FAM110B: variants seen among roughly 807,000 people sequenced by gnomAD.
FAM110B encodes protein FAM110B.
Under a neutral mutation model 20.4 loss-of-function variants are expected in FAM110B, and 6 were observed. The observed-to-expected ratio is 0.29, with a 90% CI of 0.16 to 0.58. The LOEUF (loss-of-function observed/expected upper bound fraction) is 0.58, where lower values mean the gene tolerates loss of function less well. FAM110B is among the 20% of genes least tolerant of loss of function. The pLI, the probability that FAM110B is intolerant of heterozygous loss-of-function variation, is 0.90. For synonymous variants in FAM110B, 226 were observed against 214.1 expected, an observed-to-expected ratio of 1.06 and a Z score of -0.49; for missense variants, 434 against 498.2, an observed-to-expected ratio of 0.87 and a Z score of 1.23.
At chr8:58,026,576 TCAA>T (rs1804860104) in intron 1 of FAM110B, among the ~76,000 whole-genome samples, 1 of 152,142 alleles carries the variant, frequency 6.6e-6, no homozygotes, top group Admixed American at 6.5e-5. Flanking sequence ...ATGGGTGGGT[TCAA>T]TTTCTTGGTG....
At position 58,147,796 on chromosome 8, in the gene FAM110B, A is replaced by T. The variant is rs1455509701; in HGVS notation, c.*453A>T. On this transcript the variant is annotated 3_prime_UTR_variant, in exon 4 of 4. Transcript: ENST00000519262. ...GACAGTAAATGGGATCTGCTACCAA[A>T]CAGATAATGACTGACCGAACATAGA... The T allele has an allele frequency of 5.7e-6, 1 of 174,830 alleles. No individual in the cohort carries two copies. The highest frequency in any genetic ancestry group is 1.4e-5 in the Non-Finnish European group (1 of 72,766). 10.8% of individuals were successfully genotyped at this position (174,830 alleles called of 1,614,324 possible). A position where few individuals can be genotyped will look rare whatever the true frequency, so the allele number is the denominator to read the frequency against.
chr8:58,029,673 A>G lies in FAM110B; in HGVS notation c.-511-1933A>G, dbSNP rs146754369. 1.0e-3 allele frequency among the ~76,000 whole-genome samples: 157 copies of G among 152,322 alleles called. 3 individuals carry two copies. In the East Asian group the frequency reaches 0.025, roughly 25 times the overall value. On this transcript the variant is annotated intron_variant, in intron 1 of 3. Coordinates refer to ENST00000519262, the MANE Select transcript of FAM110B (RefSeq NM_001377989.1). ...AAACCTGGGAATCTGGAGCTGGCTTAGCTGTGTGACTTTGAAGTGGTCACT... is the reference window on the plus strand; with the variant it reads ...AAACCTGGGAATCTGGAGCTGGCTTGGCTGTGTGACTTTGAAGTGGTCACT...
intron 2 of FAM110B, among the ~76,000 whole-genome samples, chr8:58,039,157 G>A (rs188639142): frequency 7.2e-4 from 110 of 152,342 alleles, no homozygotes; most frequent in Non-Finnish European, 1.3e-3. Context: ...GTGCCAGCCT[G>A]GGCTGGCACT....
In FAM110B at chr8:58,129,632, C is replaced by G. The variant is rs144735625; in HGVS notation, c.-324-16275C>G. ...TGCTGTATGAGAAGTATGTGAGGCTCGAGGCTCAGGACCATAAAGGATGTG... is the reference window on the plus strand; with the variant it reads ...TGCTGTATGAGAAGTATGTGAGGCTGGAGGCTCAGGACCATAAAGGATGTG... On this transcript the variant is annotated intron_variant, in intron 3 of 3. Coordinates refer to ENST00000519262, the MANE Select transcript of FAM110B (RefSeq NM_001377989.1). Among the ~76,000 whole-genome samples, 9 of 152,050 alleles carry G rather than the reference C, an allele frequency of 5.9e-5. 1 individual carries two copies. Among genetic ancestry groups the G allele is most frequent in the East Asian group, 5.8e-4 (3 of 5,168 alleles).
chr8:58,078,741 G>T (rs939477522), intron 3 of FAM110B, among the ~76,000 whole-genome samples: 1 of 151,526 alleles, frequency 6.6e-6, no homozygotes, highest in Non-Finnish European at 1.5e-5. Context: ...TAGTAGAGAC[G>T]GGGTTTCACC....
chr8:58,136,307 G>A (rs1320738885), intron 3 of FAM110B, among the ~76,000 whole-genome samples: 2 of 152,010 alleles, frequency 1.3e-5, no homozygotes, highest in East Asian at 1.9e-4. Flanking sequence ...ACCGTGCCCC[G>A]GCCCAGCAAG....
chr8:58,040,371 G>A (rs1805186550), intron 2 of FAM110B, among the ~76,000 whole-genome samples: 1 of 152,174 alleles, frequency 6.6e-6, no homozygotes, highest in South Asian at 2.1e-4. Flanking sequence ...ACTGGTATCT[G>A]TATCCCAGTG....
chr8:58,088,725 G>GGA (rs1425712769), intron 3 of FAM110B, among the ~76,000 whole-genome samples: 1 of 152,100 alleles, frequency 6.6e-6, no homozygotes, highest in Non-Finnish European at 1.5e-5. Context: ...AGAGGGTGGA[G>GGA]GAGTTCTAAC....
intron 3 of FAM110B, among the ~76,000 whole-genome samples, chr8:58,089,527 A>G (rs1389084306): frequency 6.6e-6 from 1 of 152,128 alleles, no homozygotes; most frequent in Non-Finnish European, 1.5e-5. Flanking sequence ...AGCAGACATC[A>G]TTTTACTTCA....
intron 3 of FAM110B, among the ~76,000 whole-genome samples, chr8:58,097,933 C>T (rs1333643926): frequency 6.6e-6 from 1 of 152,236 alleles, no homozygotes; most frequent in East Asian, 1.9e-4. Flanking sequence ...TCTCTGGAAG[C>T]TTTGTCCCAG....
Position 58,126,438 on chromosome 8 carries a change from G to C in FAM110B, c.-324-19469G>C, listed in dbSNP as rs139250347. 3.3e-5 allele frequency among the ~76,000 whole-genome samples: 5 copies of C among 152,256 alleles called. No individual in the cohort carries two copies. In the East Asian group the frequency reaches 9.6e-4, roughly 29 times the overall value. ...AGGAGTGCACTTGCTGGGTTCTATG[G>C]TAAGTGTATGTTTAGTTTTTCAAGA... On this transcript the variant is annotated intron_variant, in intron 3 of 3. Coordinates refer to ENST00000519262, the MANE Select transcript of FAM110B (RefSeq NM_001377989.1).
intron 1 of FAM110B, among the ~76,000 whole-genome samples, chr8:58,008,418 C>T (rs969328098): frequency 1.3e-4 from 20 of 152,136 alleles, no homozygotes; most frequent in Non-Finnish European, 8.8e-5. Flanking sequence ...CAGGCGTGAG[C>T]CACTGCGCCT....
chr8:58,125,175 C>CCTTCT, intron 3 of FAM110B, among the ~76,000 whole-genome samples: 1 of 151,962 alleles, frequency 6.6e-6, no homozygotes, highest in African/African-American at 2.4e-5. Flanking sequence ...ATGGCAAGAC[C>CCTTCT]CTTCTCCACA....
At chr8:58,012,300 A>G (rs1804553798) in intron 1 of FAM110B, among the ~76,000 whole-genome samples, 1 of 151,382 alleles carries the variant, frequency 6.6e-6, no homozygotes, top group Non-Finnish European at 1.5e-5. Context: ...TTTTTGGGAA[A>G]GAAGGTAGGG....
At position 57,994,558 on chromosome 8, in the gene FAM110B, G is replaced by A. The variant is rs1049748595; in HGVS notation, c.-760G>A. On this transcript the variant is annotated 5_prime_UTR_variant, in exon 1 of 4. Coordinates refer to ENST00000519262, the MANE Select transcript of FAM110B (RefSeq NM_001377989.1). ...GAAGCCTGCCTGAGCCCTCCCACTCGGTGCAGACCGAACCATCGCGGCCGC... is the reference window on the plus strand; with the variant it reads ...GAAGCCTGCCTGAGCCCTCCCACTCAGTGCAGACCGAACCATCGCGGCCGC... 2.0e-5 allele frequency: 3 copies of A among 152,150 alleles called. No homozygotes were observed. The highest frequency in any genetic ancestry group is 2.9e-5 in the Non-Finnish European group (2 of 68,060). 9.4% of individuals were successfully genotyped at this position (152,150 alleles called of 1,614,324 possible).
At chr8:58,048,148 A>G (rs1355669439) in intron 2 of FAM110B, among the ~76,000 whole-genome samples, 1 of 152,216 alleles carries the variant, frequency 6.6e-6, no homozygotes. Flanking sequence ...GGCAAACAGC[A>G]GTCTGTAGTG....
rs74674340 is a variant in FAM110B at position 58,114,301 on chromosome 8, A to G, written c.-324-31606A>G. On this transcript the variant is annotated intron_variant, in intron 3 of 3. Transcript: ENST00000519262. Reference sequence around the variant, plus strand: ...TATTCCTCGATAGTCTAATAGATTTATATTAAATAATTATTTTTCTGGTAA... The same window carrying G: ...TATTCCTCGATAGTCTAATAGATTTGTATTAAATAATTATTTTTCTGGTAA... Among the ~76,000 whole-genome samples, 734 of 152,328 alleles carry G rather than the reference A, an allele frequency of 4.8e-3. 9 individuals carry two copies. The highest frequency in any genetic ancestry group is 0.017 in the African/African-American group (704 of 41,562).
At chr8:58,105,236 T>C (rs1445842924) in intron 3 of FAM110B, among the ~76,000 whole-genome samples, 1 of 152,190 alleles carries the variant, frequency 6.6e-6, no homozygotes, top group Non-Finnish European at 1.5e-5. Context: ...TCATCACAGC[T>C]CTACCACTCA....
At chr8:58,050,772 A>G (rs1397395857) in intron 2 of FAM110B, among the ~76,000 whole-genome samples, 4 of 151,888 alleles carry the variant, frequency 2.6e-5, no homozygotes, top group Admixed American at 1.3e-4. Context: ...ACTGTGCCAC[A>G]TACCTGCCAA....
Sources: allele counts gnomAD v4.1 joint callset (sites outside exome capture counted in the v4.1 genomes callset), GRCh38; gene constraint gnomAD v4.1.1; transcripts MANE v1.5; gene names NCBI Gene and HGNC (gene_info 2026-07-23, HGNC 2026-07-21).